Variants in RAB11FIP2 observed in about 807,000 individuals in gnomAD.
The protein encoded by RAB11FIP2 is RAB11 family interacting protein 2.
A neutral mutation model predicts 40.9 loss-of-function variants in RAB11FIP2; 16 were observed. The observed-to-expected ratio is 0.39, with a 90% CI of 0.26 to 0.59. The LOEUF (loss-of-function observed/expected upper bound fraction) is 0.59, where lower values mean the gene tolerates loss of function less well. Ranked by LOEUF, RAB11FIP2 falls within the 20% of genes least tolerant of loss-of-function variation. The probability of loss-of-function intolerance (pLI) is 0.53; values close to 1 mark genes in which losing one functional copy is unlikely to be tolerated. For synonymous variants in RAB11FIP2, 228 were observed against 213.7 expected, an observed-to-expected ratio of 1.07 and a Z score of -0.58; for missense variants, 532 against 606.2, an observed-to-expected ratio of 0.88 and a Z score of 1.28.
At chr10:118,029,659 A>C (rs1364594283) in intron 3 of RAB11FIP2, among the ~76,000 whole-genome samples, 3 of 152,162 alleles carry the variant, frequency 2.0e-5, no homozygotes, top group African/African-American at 7.2e-5. Context: ...GAAATTCAGA[A>C]AAAAATCATC....
In RAB11FIP2 at chr10:118,024,470, CGTGTGTGTGTGTGTGTGT is replaced by C. The variant is rs55723398; in HGVS notation, c.1266-9378_1266-9361del. Among the ~76,000 whole-genome samples, 133 of 131,808 alleles carry C rather than the reference CGTGTGTGTGTGTGTGTGT, an allele frequency of 1.0e-3. 1 individual carries two copies. Among genetic ancestry groups the C allele is most frequent in the African/African-American group, 3.8e-3 (130 of 34,592 alleles). The allele number at this position is 131,808 out of a possible 152,430, so 86.5% of individuals were successfully genotyped here. A position where few individuals can be genotyped will look rare whatever the true frequency, so the allele number is the denominator to read the frequency against. ...CTACGTATCCATTAGTCATCATCAT[CGTGTGTGTGTGTGTGTGT>C]GTGTGTGTGTGTGTGTGTGTGTGTA... is the stretch of plus-strand genomic sequence containing the variant. On this transcript the variant is annotated intron_variant, in intron 3 of 4. Coordinates refer to ENST00000355624, the MANE Select transcript of RAB11FIP2 (RefSeq NM_014904.3).
chr10:118,040,474 C>A lies in RAB11FIP2; in HGVS notation c.445G>T (p.Ala149Ser), dbSNP rs184789070. The A allele has an allele frequency of 5.6e-6, 9 of 1,612,748 alleles. No homozygotes were observed. The East Asian group carries it at 2.0e-4, about 36-fold the overall frequency. The change falls in exon 2 of 5, where the codon GCA becomes TCA. Residue 149 changes from alanine (A) to serine (S), a missense_variant. By Grantham distance (99) the Ala-to-Ser change is moderately conservative. Coordinates refer to ENST00000355624, the MANE Select transcript of RAB11FIP2 (RefSeq NM_014904.3). ...TTCATTGATAAGTCAAACATACTTGCGGTCATATTGTTCCTCATAAACTGA... is the reference window on the plus strand; with the variant it reads ...TTCATTGATAAGTCAAACATACTTGAGGTCATATTGTTCCTCATAAACTGA... Reference protein sequence around the residue: ...NIQFMRNNMTASMFDLSMKDK... With the variant: ...NIQFMRNNMTSSMFDLSMKDK...
intron 3 of RAB11FIP2, among the ~76,000 whole-genome samples, chr10:118,031,568 G>A (rs1846414168): frequency 1.3e-5 from 2 of 152,062 alleles, no homozygotes; most frequent in South Asian, 4.2e-4. Context: ...AGGAAGAGGG[G>A]GAGAATCAGG....
chr10:118,026,709 T>C (rs763482373), intron 3 of RAB11FIP2, among the ~76,000 whole-genome samples: 1 of 152,226 alleles, frequency 6.6e-6, no homozygotes, highest in Non-Finnish European at 1.5e-5. Context: ...AGCTTAGATA[T>C]CTATCCTGCA....
chr10:118,046,072 CT>C lies in RAB11FIP2; in HGVS notation c.91del (p.Ser31ValfsTer9), dbSNP rs1846628604. On this transcript the variant is annotated frameshift_variant, in exon 1 of 5. Coordinates refer to ENST00000355624, the MANE Select transcript of RAB11FIP2 (RefSeq NM_014904.3). LOFTEE classifies it high-confidence loss of function. ...QAKDLKPKGK[S>X]GTNDTYTIIQ... is the part of the protein sequence containing the mutation. The stretch of plus-strand genomic sequence containing the variant: ...TATAGTGTATGTGTCATTGGTACCA[CT>C]TTTGCCTTTTGGCTTCAGATCTTTG... 6.2e-7 allele frequency: 1 copy of C among 1,614,226 alleles called. No homozygotes were observed. The highest frequency in any genetic ancestry group is 1.3e-5 in the African/African-American group (1 of 75,054).
intron 3 of RAB11FIP2, among the ~76,000 whole-genome samples, chr10:118,023,209 G>C (rs1846301879): frequency 6.6e-6 from 1 of 152,146 alleles, no homozygotes; most frequent in Admixed American, 6.5e-5. Flanking sequence ...TTATTCCACA[G>C]AGGTTACATG....
intron 3 of RAB11FIP2, among the ~76,000 whole-genome samples, chr10:118,024,594 A>T (rs1340701285): frequency 6.6e-6 from 1 of 151,954 alleles, no homozygotes; most frequent in Non-Finnish European, 1.5e-5. Context: ...AACCCAGCAC[A>T]GGCTCTGCCT....
rs1455215268 is a variant in RAB11FIP2, at chr10:118,008,729, A to T, written c.*269T>A. The T allele has an allele frequency of 5.2e-6, 2 of 386,382 alleles. No individual in the cohort carries two copies. The highest frequency in any genetic ancestry group is 9.5e-6 in the Non-Finnish European group (2 of 211,510). 23.9% of individuals were successfully genotyped at this position (386,382 alleles called of 1,614,324 possible). ...TGGGCCTATGGCAGATTAGTGGGTC[A>T]GTACCAGCACCTGAGTGAGTCCTAA... On this transcript the variant is annotated 3_prime_UTR_variant, in exon 5 of 5. Transcript: ENST00000355624.
chr10:118,042,675 A>G lies in RAB11FIP2; in HGVS notation c.354-2110T>C, dbSNP rs950199235. 1.3e-5 allele frequency among the ~76,000 whole-genome samples: 2 copies of G among 152,164 alleles called. 1 individual carries two copies. Among genetic ancestry groups the G allele is most frequent in the Non-Finnish European group, 2.9e-5 (2 of 68,022 alleles). On this transcript the variant is annotated intron_variant, in intron 1 of 4. Transcript: ENST00000355624. The stretch of plus-strand genomic sequence containing the variant: ...TTATTCAATTTTTATTTCTAGAACT[A>G]TATTCTTACAAGTAAGCTACAACTG...
In RAB11FIP2 at chr10:118,044,551, A is replaced by G. The variant is rs76201854; in HGVS notation, c.353+1260T>C. Among the ~76,000 whole-genome samples the G allele has an allele frequency of 1.1e-4, 17 of 152,210 alleles. No homozygotes were observed. The East Asian group carries it at 3.3e-3, about 29-fold the overall frequency. On this transcript the variant is annotated intron_variant, in intron 1 of 4. Coordinates refer to ENST00000355624, the MANE Select transcript of RAB11FIP2 (RefSeq NM_014904.3). Reference sequence around the variant, plus strand: ...TACATTTAACTTTTTCTCTCCTTCTAAAATATTTTCATCTCAATTAAATGG... The same window carrying G: ...TACATTTAACTTTTTCTCTCCTTCTGAAATATTTTCATCTCAATTAAATGG...
intron 3 of RAB11FIP2, among the ~76,000 whole-genome samples, chr10:118,034,707 C>A (rs1846459591): frequency 6.6e-6 from 1 of 152,046 alleles, no homozygotes; most frequent in African/African-American, 2.4e-5. Context: ...AATTAAAAAA[C>A]AAGACTAGTG....
Position 118,045,973 on chromosome 10 carries a change from G to T in RAB11FIP2, c.191C>A (p.Ala64Asp). The T allele has an allele frequency of 6.2e-7, 1 of 1,614,196 alleles. No individual in the cohort carries two copies. Among genetic ancestry groups the T allele is most frequent in the Non-Finnish European group, 8.5e-7 (1 of 1,180,034 alleles). Residue 64 changes from alanine (A) to aspartate (D), a missense_variant, in exon 1 of 5, where the codon GCC becomes GAC. Transcript: ENST00000355624. ...TAGCAATCCAGGTAGCTCGAAAGAG[G>T]CCTCCTCCTTCCAAACTGGCTCAAG... is the stretch of plus-strand genomic sequence containing the variant. ...KTLEPVWKEE[A>D]SFELPGLLIQ...
At position 118,015,056 on chromosome 10, in the gene RAB11FIP2, G is replaced by A; in HGVS notation, c.1311+9C>T. On this transcript the variant is annotated intron_variant, in intron 4 of 4. Coordinates refer to ENST00000355624, the MANE Select transcript of RAB11FIP2 (RefSeq NM_014904.3). The stretch of plus-strand genomic sequence containing the variant: ...CTTTGACAACCCTCTAACCCCTTCA[G>A]CAACTTACCGGGATTTTCCTGAGGT... The A allele has an allele frequency of 6.2e-7, 1 of 1,604,248 alleles. No individual in the cohort carries two copies. Among genetic ancestry groups the A allele is most frequent in the Middle Eastern group, 1.7e-4 (1 of 6,042 alleles).
Position 118,015,109 on chromosome 10 carries a change from A to C in RAB11FIP2, c.1267T>G (p.Phe423Val). ...RASNIMPSSS[F>V]HMSPTSNEDL... ...TCATTGCTTGTTGGACTCATATGAA[A>C]ACTAATAAAACACAAACAAATGTTA... The change falls in exon 4 of 5, where the codon TTT becomes GTT. Residue 423 changes from phenylalanine (F) to valine (V), a missense_variant and splice_region_variant. Physicochemically the swap from Phe to Val is conservative, Grantham distance 50 (BLOSUM62 -1). Coordinates refer to ENST00000355624, the MANE Select transcript of RAB11FIP2 (RefSeq NM_014904.3). The C allele has an allele frequency of 6.2e-7, 1 of 1,605,306 alleles. No homozygotes were observed. Among genetic ancestry groups the C allele is most frequent in the Non-Finnish European group, 8.5e-7 (1 of 1,175,068 alleles).
At chr10:118,042,615 A>T (rs1846575076) in intron 1 of RAB11FIP2, among the ~76,000 whole-genome samples, 1 of 152,188 alleles carries the variant, frequency 6.6e-6, no homozygotes, top group South Asian at 2.1e-4. Flanking sequence ...CTAGAGTATA[A>T]GCTCCTGGAA....
chr10:118,025,883 A>G (rs1846337058), intron 3 of RAB11FIP2, among the ~76,000 whole-genome samples: 1 of 152,190 alleles, frequency 6.6e-6, no homozygotes, highest in Non-Finnish European at 1.5e-5. Flanking sequence ...CATCTAATCT[A>G]TAATTTTTAT....
chr10:118,011,115 C>T (rs908613377), intron 4 of RAB11FIP2, among the ~76,000 whole-genome samples: 1 of 151,922 alleles, frequency 6.6e-6, no homozygotes, highest in Non-Finnish European at 1.5e-5. Context: ...AGGTATAGGG[C>T]TATTGAAATA....
rs1218606495 is a variant in RAB11FIP2 at position 118,006,433 on chromosome 10, A to C, written c.*2565T>G. On this transcript the variant is annotated 3_prime_UTR_variant, in exon 5 of 5. Transcript: ENST00000355624. ...GTGTACTGTGCATTATTTAATAAGC[A>C]CATATATTTTATTTCCATTTCTAAG... 6.6e-6 allele frequency: 1 copy of C among 152,404 alleles called. No individual in the cohort carries two copies. The highest frequency in any genetic ancestry group is 1.5e-5 in the Non-Finnish European group (1 of 67,984). 9.4% of individuals were successfully genotyped at this position (152,404 alleles called of 1,614,324 possible). A position where few individuals can be genotyped will look rare whatever the true frequency, so the allele number is the denominator to read the frequency against.
In RAB11FIP2 at chr10:118,008,985, A is replaced by T. The variant is rs745793451; in HGVS notation, c.*13T>A. Reference sequence around the variant, plus strand: ...CTCTTTGTCCAATTATCAATACAATACAATTGGCTTTATTAACTGTTAGAG... The same window carrying T: ...CTCTTTGTCCAATTATCAATACAATTCAATTGGCTTTATTAACTGTTAGAG... On this transcript the variant is annotated 3_prime_UTR_variant, in exon 5 of 5. Transcript: ENST00000355624. The T allele has an allele frequency of 6.4e-7, 1 of 1,573,188 alleles. No homozygotes were observed. The highest frequency in any genetic ancestry group is 8.8e-7 in the Non-Finnish European group (1 of 1,142,844).
Sources: gnomAD v4.1 joint callset for allele counts (sites outside exome capture counted in the v4.1 genomes callset) on GRCh38, gnomAD v4.1.1 for gene constraint, MANE v1.5 for transcripts, NCBI Gene and HGNC (gene_info 2026-07-23, HGNC 2026-07-21) for gene names.